The following BACH2 variants were observed in gnomAD, a reference collection of about 807,000 sequenced individuals.
BACH2 encodes BACH transcriptional regulator 2, also known as transcription regulator protein BACH2.
A neutral mutation model predicts 61.8 loss-of-function variants in BACH2; 5 were observed. The ratio of observed to expected loss-of-function variants is 0.08; its 90% CI spans 0.04 to 0.17. The LOEUF is 0.17. Among genes scored for constraint, BACH2 ranks in the 10% least tolerant of loss-of-function variants. The pLI, the probability that BACH2 is intolerant of heterozygous loss-of-function variation, is 1.00. For synonymous variants in BACH2, 446 were observed against 440.1 expected (o/e 1.01, Z -0.17); for missense variants, 824 against 1,091.1 (o/e 0.76, Z 3.45).
chr6:90,255,531 G>A (rs1388727116), intron 2 of BACH2, among the ~76,000 whole-genome samples: 1 of 152,210 alleles, frequency 6.6e-6, no homozygotes, highest in Non-Finnish European at 1.5e-5. Context: ...TTGGGCCTGA[G>A]AGGACAGGTT....
intron 1 of BACH2, among the ~76,000 whole-genome samples, chr6:90,296,276 G>A (rs1772380719): frequency 6.6e-6 from 1 of 151,800 alleles, no homozygotes; most frequent in Admixed American, 6.6e-5. Flanking sequence ...CGCCGGCTCG[G>A]CTCCCACCCC....
chr6:90,039,735 AAAAAC>A (rs1224597977), intron 5 of BACH2, among the ~76,000 whole-genome samples: 2 of 152,206 alleles, frequency 1.3e-5, no homozygotes, highest in South Asian at 2.1e-4. Flanking sequence ...TACCAAACTT[AAAAAC>A]AAAACAAAAC....
intron 2 of BACH2, among the ~76,000 whole-genome samples, chr6:90,254,453 G>A (rs953020853): frequency 6.6e-6 from 1 of 151,926 alleles, no homozygotes; most frequent in Non-Finnish European, 1.5e-5. Flanking sequence ...ATAAATCCTG[G>A]ATCATATAAT....
intron 3 of BACH2, among the ~76,000 whole-genome samples, chr6:90,228,791 G>A (rs988916524): frequency 6.6e-6 from 1 of 152,140 alleles, no homozygotes; most frequent in African/African-American, 2.4e-5. Flanking sequence ...TTCTATAGTG[G>A]AAATAAGAGA....
intron 6 of BACH2, among the ~76,000 whole-genome samples, chr6:89,989,364 T>C (rs1025436977): frequency 6.6e-6 from 1 of 152,170 alleles, no homozygotes; most frequent in Admixed American, 6.5e-5. Context: ...TGAATTTGAG[T>C]ACTTTAGGTA....
At chr6:90,278,292 C>CG (rs1771755872) in intron 1 of BACH2, among the ~76,000 whole-genome samples, 1 of 152,226 alleles carries the variant, frequency 6.6e-6, no homozygotes, top group African/African-American at 2.4e-5. Flanking sequence ...ACCCTGCCTC[C>CG]TACCTGGCCA....
chr6:89,985,477 T>G (rs1022394486), intron 6 of BACH2, among the ~76,000 whole-genome samples: 1 of 152,000 alleles, frequency 6.6e-6, no homozygotes, highest in Admixed American at 6.5e-5. Flanking sequence ...GACACTAAGA[T>G]TCTCACATTA....
intron 6 of BACH2, among the ~76,000 whole-genome samples, chr6:89,984,292 AAAGAG>A (rs1776118438): frequency 6.6e-6 from 1 of 152,148 alleles, no homozygotes; most frequent in African/African-American, 2.4e-5. Context: ...AAACACAAGA[AAAGAG>A]AAAAGGAGGG....
intron 3 of BACH2, among the ~76,000 whole-genome samples, chr6:90,250,899 C>T (rs1420835129): frequency 6.6e-6 from 1 of 152,098 alleles, no homozygotes. Flanking sequence ...CATTTAATCA[C>T]AACAACCTTA....
chr6:89,956,659 T>A (rs1774444437), intron 6 of BACH2, among the ~76,000 whole-genome samples: 1 of 152,154 alleles, frequency 6.6e-6, no homozygotes, highest in African/African-American at 2.4e-5. Context: ...TCATGAGACA[T>A]CCATTTTGCT....
At chr6:90,197,211 G>A (rs746211140) in intron 4 of BACH2, among the ~76,000 whole-genome samples, 2 of 152,146 alleles carry the variant, frequency 1.3e-5, no homozygotes, top group African/African-American at 4.8e-5. Context: ...ACAGCTATAC[G>A]TTATAAGGCC....
intron 6 of BACH2, among the ~76,000 whole-genome samples, chr6:89,987,192 T>A (rs909345426): frequency 3.9e-5 from 6 of 152,140 alleles, no homozygotes; most frequent in African/African-American, 1.4e-4. Flanking sequence ...AAATCCTGTA[T>A]CAGGATTAAA....
At chr6:89,967,868 G>A (rs1488993380) in intron 6 of BACH2, among the ~76,000 whole-genome samples, 3 of 152,100 alleles carry the variant, frequency 2.0e-5, no homozygotes, top group African/African-American at 4.8e-5. Flanking sequence ...ATCAAAGGGA[G>A]GCTGGAGAGT....
chr6:89,932,194 G>A lies in BACH2; in HGVS notation c.*214C>T. ...AGTGTCATCACTGCTGTCTTTCCTT[G>A]CCTGGGCAAGGGGTAGCACCATTGT... On this transcript the variant is annotated 3_prime_UTR_variant, in exon 9 of 9. Coordinates refer to ENST00000257749, the MANE Select transcript of BACH2 (RefSeq NM_021813.4). The A allele has an allele frequency of 3.3e-6, 2 of 612,192 alleles. No individual in the cohort carries two copies. The highest frequency in any genetic ancestry group is 5.5e-6 in the Non-Finnish European group (2 of 360,456). The allele number at this position is 612,192 out of a possible 1,614,324, so 37.9% of individuals were successfully genotyped here. A position where few individuals can be genotyped will look rare whatever the true frequency, so the allele number is the denominator to read the frequency against.
chr6:90,018,263 TCTCTCTCTGCAG>T (rs1439630354), intron 5 of BACH2, among the ~76,000 whole-genome samples: 1 of 152,132 alleles, frequency 6.6e-6, no homozygotes, highest in East Asian at 1.9e-4. Flanking sequence ...TCTCTGGAGT[TCTCTCTCTGCAG>T]CTCTCTCTTC....
intron 5 of BACH2, among the ~76,000 whole-genome samples, chr6:90,053,857 T>C (rs1780177630): frequency 6.6e-6 from 1 of 152,236 alleles, no homozygotes. Flanking sequence ...AGAGCTGTCT[T>C]CAGTGATTCA....
intron 3 of BACH2, among the ~76,000 whole-genome samples, chr6:90,206,998 C>T (rs565481489): frequency 1.2e-3 from 177 of 152,232 alleles, no homozygotes; most frequent in African/African-American, 4.0e-3. Flanking sequence ...GTCCAATTCC[C>T]CCCACCATGT....
chr6:89,947,051 G>A (rs1773769462), intron 7 of BACH2, among the ~76,000 whole-genome samples: 1 of 152,180 alleles, frequency 6.6e-6, no homozygotes, highest in South Asian at 2.1e-4. Context: ...CGGGGTGGAG[G>A]AAGACAGATT....
intron 3 of BACH2, among the ~76,000 whole-genome samples, chr6:90,223,217 G>A (rs926275199): frequency 2.6e-5 from 4 of 152,166 alleles, no homozygotes; most frequent in Admixed American, 6.5e-5. Flanking sequence ...ATAAACATGT[G>A]CTGAGTACCC....
Sources: gnomAD v4.1 joint callset for allele counts (sites outside exome capture counted in the v4.1 genomes callset) on GRCh38, gnomAD v4.1.1 for gene constraint, MANE v1.5 for transcripts, NCBI Gene and HGNC (gene_info 2026-07-23, HGNC 2026-07-21) for gene names.